Variants in KHDRBS2 observed in about 807,000 individuals in gnomAD.
KHDRBS2 encodes KH RNA binding domain containing, signal transduction associated 2.
Under a neutral mutation model 44.3 loss-of-function variants are expected in KHDRBS2, and 26 were observed. The observed-to-expected ratio is 0.59, with a 90% confidence interval of 0.43 to 0.81. KHDRBS2 has a LOEUF of 0.81. Ranked by LOEUF, KHDRBS2 falls within the 40% of genes least tolerant of loss-of-function variation. The probability of loss-of-function intolerance (pLI) is 0.00; values close to 1 mark genes in which losing one functional copy is unlikely to be tolerated. For missense variants in KHDRBS2, 476 were observed against 433.1 expected, an observed-to-expected ratio of 1.10 and a Z score of -0.88; for synonymous variants, 194 against 151.1, an observed-to-expected ratio of 1.28 and a Z score of -2.08.
intron 2 of KHDRBS2, among the ~76,000 whole-genome samples, chr6:62,119,739 C>G (rs551492985): frequency 1.3e-5 from 2 of 152,208 alleles, no homozygotes; most frequent in African/African-American, 4.8e-5. Flanking sequence ...TCCACTCACA[C>G]TGCCATCAGT....
At chr6:61,739,198 C>G (rs1775810640) in intron 6 of KHDRBS2, among the ~76,000 whole-genome samples, 1 of 151,810 alleles carries the variant, frequency 6.6e-6, no homozygotes, top group Non-Finnish European at 1.5e-5. Context: ...TGCATTGCCA[C>G]AATAGAATCC....
At chr6:61,759,153 T>C (rs942249550) in intron 6 of KHDRBS2, among the ~76,000 whole-genome samples, 2 of 152,178 alleles carry the variant, frequency 1.3e-5, no homozygotes, top group African/African-American at 2.4e-5. Flanking sequence ...GAATAGTCAC[T>C]ATTTCTTTGT....
the KHDRBS2 span, among the ~76,000 whole-genome samples, chr6:61,621,636 A>G: frequency 1.3e-5 from 2 of 152,328 alleles, no homozygotes; most frequent in Admixed American, 1.3e-4. Flanking sequence ...ATATTTTTAT[A>G]CTTGTGGTGA....
chr6:62,092,000 T>C (rs1445430284), intron 2 of KHDRBS2, among the ~76,000 whole-genome samples: 1 of 152,212 alleles, frequency 6.6e-6, no homozygotes, highest in Non-Finnish European at 1.5e-5. Context: ...TGGGTTTTTG[T>C]AGTGAGCATG....
At chr6:62,263,142 C>T (rs1359429159) in intron 1 of KHDRBS2, among the ~76,000 whole-genome samples, 1 of 151,720 alleles carries the variant, frequency 6.6e-6, no homozygotes, top group Non-Finnish European at 1.5e-5. Context: ...TTGCATTTTC[C>T]ATGCCATTTG....
intron 8 of KHDRBS2, among the ~76,000 whole-genome samples, chr6:61,682,369 C>T (rs1265466704): frequency 1.3e-5 from 2 of 151,772 alleles, no homozygotes; most frequent in African/African-American, 2.4e-5. Context: ...AAAATTATAT[C>T]TCTTTCACTG....
chr6:62,106,222 T>C (rs1249796886), intron 2 of KHDRBS2, among the ~76,000 whole-genome samples: 2 of 152,062 alleles, frequency 1.3e-5, no homozygotes, highest in Non-Finnish European at 2.9e-5. Flanking sequence ...TTGGAATAGG[T>C]GTGGTGTGAT....
At chr6:62,266,063 G>T (rs1839151674) in intron 1 of KHDRBS2, among the ~76,000 whole-genome samples, 1 of 152,042 alleles carries the variant, frequency 6.6e-6, no homozygotes, top group African/African-American at 2.4e-5. Context: ...TCTTGATTTG[G>T]GGGTGGTGTG....
At chr6:61,846,044 C>T (rs774732973) in intron 6 of KHDRBS2, among the ~76,000 whole-genome samples, 2 of 152,176 alleles carry the variant, frequency 1.3e-5, no homozygotes, top group Non-Finnish European at 2.9e-5. Flanking sequence ...CTCTTTTGCT[C>T]TTGCTTTCAC....
chr6:61,777,838 T>C (rs1485587245), intron 6 of KHDRBS2, among the ~76,000 whole-genome samples: 1 of 152,156 alleles, frequency 6.6e-6, no homozygotes, highest in Non-Finnish European at 1.5e-5. Context: ...TATTTATTTA[T>C]TTATTTGCTT....
At chr6:62,280,166 G>C (rs1162553950) in intron 1 of KHDRBS2, among the ~76,000 whole-genome samples, 1 of 152,242 alleles carries the variant, frequency 6.6e-6, no homozygotes. Context: ...TGGTATACCT[G>C]AGAGAAATTA....
chr6:61,843,366 TTATTATTA>T (rs1220809049), intron 6 of KHDRBS2, among the ~76,000 whole-genome samples: 2 of 148,866 alleles, frequency 1.3e-5, no homozygotes, highest in South Asian at 2.1e-4. Flanking sequence ...ATTATTATTA[TTATTATTA>T]TATTTTGAGA....
intron 6 of KHDRBS2, among the ~76,000 whole-genome samples, chr6:61,803,227 G>A (rs1482670084): frequency 6.6e-6 from 1 of 152,112 alleles, no homozygotes; most frequent in Non-Finnish European, 1.5e-5. Flanking sequence ...CAGACTCAAA[G>A]ACACAATTAC....
At chr6:62,043,689 C>G (rs1442005370) in intron 3 of KHDRBS2, among the ~76,000 whole-genome samples, 1 of 151,852 alleles carries the variant, frequency 6.6e-6, no homozygotes, top group Non-Finnish European at 1.5e-5. Context: ...TATAACTAAA[C>G]AAAAAGTAAT....
intron 1 of KHDRBS2, among the ~76,000 whole-genome samples, chr6:62,183,739 T>C (rs1822841552): frequency 6.6e-6 from 1 of 151,652 alleles, no homozygotes; most frequent in East Asian, 1.9e-4. Context: ...TTTTTGTTAA[T>C]GAAATGAAAA....
rs141266652 is a variant in KHDRBS2, at chr6:62,242,887, T to C, written c.91+42971A>G. 2.5e-3 allele frequency among the ~76,000 whole-genome samples: 381 copies of C among 152,230 alleles called. 3 individuals are homozygous for C. The highest frequency in any genetic ancestry group is 8.4e-3 in the African/African-American group (350 of 41,570). ...CACATGTTTTGCCTGCAGGACATGC[T>C]TTTTTGCTATCATATACTTTGTCAG... On this transcript the variant is annotated intron_variant, in intron 1 of 8. Transcript: ENST00000281156.
At chr6:62,169,030 C>T in intron 2 of KHDRBS2, among the ~76,000 whole-genome samples, 1 of 39,498 alleles carries the variant, frequency 2.5e-5, no homozygotes, top group Admixed American at 2.1e-4. Flanking sequence ...GTTTGTTCTC[C>T]AGTCATATAT....
chr6:62,010,307 C>T (rs1780055223), intron 3 of KHDRBS2, among the ~76,000 whole-genome samples: 1 of 152,060 alleles, frequency 6.6e-6, no homozygotes, highest in Non-Finnish European at 1.5e-5. Flanking sequence ...ATTTGGAATG[C>T]CTGCTCCCCC....
chr6:61,961,845 G>A lies in KHDRBS2; in HGVS notation c.483+16221C>T, dbSNP rs374181955. 2.1e-4 allele frequency among the ~76,000 whole-genome samples: 32 copies of A among 152,228 alleles called. No homozygotes were observed. The East Asian group carries it at 5.8e-3, about 28-fold the overall frequency. The stretch of plus-strand genomic sequence containing the variant: ...GCTTTCACTCAGCATGAAGCAGAGA[G>A]CCAGTGCTGGACTTTAAGAACAGGA... On this transcript the variant is annotated intron_variant, in intron 4 of 8. Coordinates refer to ENST00000281156, the MANE Select transcript of KHDRBS2 (RefSeq NM_152688.4).
Sources: allele counts gnomAD v4.1 joint callset (sites outside exome capture counted in the v4.1 genomes callset), GRCh38; gene constraint gnomAD v4.1.1; transcripts MANE v1.5; gene names NCBI Gene and HGNC (gene_info 2026-07-23, HGNC 2026-07-21).